Variants in EPB41L3 observed in about 807,000 individuals in gnomAD.
EPB41L3 encodes the protein band 4.1-like protein 3.
In EPB41L3, 57 loss-of-function variants were observed where a neutral mutation model predicts 127.1. The observed-to-expected ratio is 0.45, with a 90% CI of 0.36 to 0.56. The LOEUF is 0.56. EPB41L3 is among the 20% of genes least tolerant of loss of function. EPB41L3 has a pLI of 0.00. For missense variants in EPB41L3, 1,273 were observed against 1,372.2 expected, an observed-to-expected ratio of 0.93 and a Z score of 1.14; for synonymous variants, 572 against 549.5, an observed-to-expected ratio of 1.04 and a Z score of -0.57.
intron 3 of EPB41L3, among the ~76,000 whole-genome samples, chr18:5,585,286 A>G (rs1325732871): frequency 6.6e-6 from 1 of 152,112 alleles, no homozygotes; most frequent in Non-Finnish European, 1.5e-5. Flanking sequence ...AGACATAAGG[A>G]TCTTAAGATC....
At chr18:5,521,604 A>C (rs2092993050) in intron 1 of EPB41L3, among the ~76,000 whole-genome samples, 1 of 152,214 alleles carries the variant, frequency 6.6e-6, no homozygotes. Context: ...CTCAGGTTCA[A>C]ATTCCAACCT....
At chr18:5,423,295 T>C (rs139014849) in intron 11 of EPB41L3, 83 bp downstream of exon 11, 3 of 1,351,624 alleles carry the variant, frequency 2.2e-6, no homozygotes, top group Non-Finnish European at 3.0e-6. Context: ...CAGGAATATC[T>C]ATACTTACTG....
chr18:5,395,561 T>A lies in EPB41L3; in HGVS notation c.3072+48A>T, dbSNP rs201833386. On this transcript the variant is annotated intron_variant, in intron 20 of 22. Coordinates refer to ENST00000341928, the MANE Select transcript of EPB41L3 (RefSeq NM_012307.5). ...GAGGAGTTCTGAACAAGCACCTTCC[T>A]CCAGCTCGCTCTCAAGGAATCCTCT... 1.9e-6 allele frequency: 3 copies of A among 1,566,072 alleles called. No individual in the cohort carries two copies. The East Asian group carries it at 6.7e-5, about 35-fold the overall frequency.
intron 3 of EPB41L3, among the ~76,000 whole-genome samples, chr18:5,556,985 C>CG (rs542941154): frequency 1.2e-4 from 17 of 146,678 alleles, no homozygotes; most frequent in African/African-American, 4.1e-4. Flanking sequence ...TGGGGGGCCC[C>CG]GGGGGTCTCC....
chr18:5,438,871 G>A (rs1030960226), intron 5 of EPB41L3, among the ~76,000 whole-genome samples: 12 of 152,142 alleles, frequency 7.9e-5, no homozygotes, highest in African/African-American at 1.7e-4. Flanking sequence ...TCTACTCTCT[G>A]TATTGTCAAC....
In EPB41L3 at chr18:5,396,346, G is replaced by C. The variant is rs748802311; in HGVS notation, c.2842-14C>G. ...CACCGTTGAGGACTGTGCCAAAGGG[G>C]AGTAAGCAGAGTGGCTGTTATAGTT... is the stretch of plus-strand genomic sequence containing the variant. On this transcript the variant is annotated splice_polypyrimidine_tract_variant and intron_variant, in intron 18 of 22. Transcript: ENST00000341928. 2 of 1,613,918 alleles carry C rather than the reference G, an allele frequency of 1.2e-6. No individual in the cohort carries two copies. The highest frequency in any genetic ancestry group is 2.7e-5 in the African/African-American group (2 of 74,890).
intron 3 of EPB41L3, among the ~76,000 whole-genome samples, chr18:5,555,234 G>C (rs987615706): frequency 6.6e-6 from 1 of 152,222 alleles, no homozygotes; most frequent in Middle Eastern, 3.4e-3. Context: ...GGGCACCCAA[G>C]TTCCAGGACC....
intron 3 of EPB41L3, among the ~76,000 whole-genome samples, chr18:5,602,373 C>A (rs1173461153): frequency 6.6e-6 from 1 of 152,130 alleles, no homozygotes; most frequent in African/African-American, 2.4e-5. Flanking sequence ...GGCACAATAC[C>A]AGGAAGGTGA....
chr18:5,546,595 T>G (rs2093885415), upstream of EPB41L3, among the ~76,000 whole-genome samples: 1 of 152,078 alleles, frequency 6.6e-6, no homozygotes, highest in East Asian at 1.9e-4. Context: ...AATTGAAAAT[T>G]TGGAGTAAAA....
At chr18:5,496,842 GGCCTAGGGATACATCAGA>G (rs147704305) in intron 1 of EPB41L3, among the ~76,000 whole-genome samples, 2,952 of 152,226 alleles carry the variant, frequency 0.019, 90 homozygotes, top group African/African-American at 0.066. Context: ...GCTGTTTTGA[GGCCTAGGGATACATCAGA>G]TAAAGATGAA....
In EPB41L3 at chr18:5,499,598, C is replaced by T. The variant is rs1031365902; in HGVS notation, c.-11-10404G>A. 3.3e-5 allele frequency among the ~76,000 whole-genome samples: 5 copies of T among 151,480 alleles called. No homozygotes were observed. The East Asian group carries it at 5.8e-4, about 18-fold the overall frequency. Reference sequence around the variant, plus strand: ...CTAACACAGTGAAACCGTATCTCTACCAAAAAAAATACAAAAAAATTAGCC... The same window carrying T: ...CTAACACAGTGAAACCGTATCTCTATCAAAAAAAATACAAAAAAATTAGCC... On this transcript the variant is annotated intron_variant, in intron 1 of 22. Coordinates refer to ENST00000341928, the MANE Select transcript of EPB41L3 (RefSeq NM_012307.5).
intron 1 of EPB41L3, among the ~76,000 whole-genome samples, chr18:5,529,374 G>A (rs1226020438): frequency 6.6e-6 from 1 of 152,008 alleles, no homozygotes; most frequent in African/African-American, 2.4e-5. Context: ...AGACATCTGT[G>A]CTTTGGTTTC....
chr18:5,563,453 A>T (rs55697017), intron 3 of EPB41L3, among the ~76,000 whole-genome samples: 1,801 of 152,266 alleles, frequency 0.012, 37 homozygotes, highest in African/African-American at 0.042. Flanking sequence ...ATTAATAGTA[A>T]CAAAGAAGTT....
intron 1 of EPB41L3, among the ~76,000 whole-genome samples, chr18:5,511,436 A>G (rs2092519790): frequency 1.2e-5 from 1 of 86,080 alleles, no homozygotes; most frequent in African/African-American, 4.5e-5. Flanking sequence ...TGTAGACCCA[A>G]TTTTCCCTTA....
At chr18:5,499,247 A>G (rs2091499654) in intron 1 of EPB41L3, among the ~76,000 whole-genome samples, 1 of 152,292 alleles carries the variant, frequency 6.6e-6, no homozygotes, top group South Asian at 2.1e-4. Flanking sequence ...ATCAAGAATT[A>G]AATCTGAGTT....
In EPB41L3 at chr18:5,478,399, T is replaced by C; in HGVS notation, c.223A>G (p.Lys75Glu). Residue 75 changes from lysine (K) to glutamate (E), a missense_variant, in exon 3 of 23, where the codon AAA becomes GAA. Lys to Glu is a moderately conservative substitution (Grantham distance 56). This residue lies in a region of EPB41L3 where 182 missense variants were observed against 149.2 expected (regional missense o/e 1.22). Transcript: ENST00000341928. ...KEQEFAARAAKQLEYQQLEDD... is the reference protein window; with the variant it reads ...KEQEFAARAAEQLEYQQLEDD... ...TCTAATTGCTGATATTCGAGCTGTTTTGCAGCCCTGGCAGCAAACTCCTGT... is the reference window on the plus strand; with the variant it reads ...TCTAATTGCTGATATTCGAGCTGTTCTGCAGCCCTGGCAGCAAACTCCTGT... 1 of 1,614,198 alleles carries C rather than the reference T, an allele frequency of 6.2e-7. No individual in the cohort carries two copies. Among genetic ancestry groups the C allele is most frequent in the Non-Finnish European group, 8.5e-7 (1 of 1,180,026 alleles).
chr18:5,472,085 T>G (rs2086248900), intron 3 of EPB41L3, among the ~76,000 whole-genome samples: 1 of 152,138 alleles, frequency 6.6e-6, no homozygotes. Context: ...TTAGAATATT[T>G]ATTAGGCCTT....
chr18:5,464,660 A>G (rs2084638596), intron 3 of EPB41L3, among the ~76,000 whole-genome samples: 1 of 152,198 alleles, frequency 6.6e-6, no homozygotes, highest in South Asian at 2.1e-4. Context: ...ATGATAGGAG[A>G]CAAAAAAGAA....
intron 1 of EPB41L3, among the ~76,000 whole-genome samples, chr18:5,507,644 T>C (rs112234294): frequency 0.017 from 2,624 of 152,282 alleles, 62 homozygotes; most frequent in African/African-American, 0.059. Flanking sequence ...ACAACACACA[T>C]TGGAGACATT....
Sources: gnomAD v4.1 joint callset for allele counts (sites outside exome capture counted in the v4.1 genomes callset) on GRCh38, gnomAD v4.1.1 for gene constraint, gnomAD v4.1.1 regional missense constraint, MANE v1.5 for transcripts, NCBI Gene and HGNC (gene_info 2026-07-23, HGNC 2026-07-21) for gene names.